Variants in CAGE1 observed in about 807,000 individuals in gnomAD.
CAGE1 encodes the protein cancer antigen 1.
CAGE1 carries 66 observed loss-of-function variants against 94.9 expected under a neutral mutation model. The ratio of observed to expected loss-of-function variants is 0.70; its 90% CI spans 0.57 to 0.85. The LOEUF (loss-of-function observed/expected upper bound fraction) is 0.85, where lower values mean the gene tolerates loss of function less well. Ranked by LOEUF, CAGE1 falls within the 40% of genes least tolerant of loss-of-function variation. CAGE1 has a pLI of 0.00. For missense variants in CAGE1, 865 were observed against 950.4 expected, an observed-to-expected ratio of 0.91 and a Z score of 1.18; for synonymous variants, 319 against 321.0, an observed-to-expected ratio of 0.99 and a Z score of 0.07.
At chr6:7,336,038 CTCTT>C (rs1758942742) in intron 11 of CAGE1, among the ~76,000 whole-genome samples, 1 of 152,170 alleles carries the variant, frequency 6.6e-6, no homozygotes, top group African/African-American at 2.4e-5. Flanking sequence ...GAAAGTTATA[CTCTT>C]TCTTTCAGAG....
At chr6:7,330,181 A>C (rs930343703) in intron 12 of CAGE1, among the ~76,000 whole-genome samples, 1 of 152,166 alleles carries the variant, frequency 6.6e-6, no homozygotes, top group Non-Finnish European at 1.5e-5. Context: ...TGAGGTCAGG[A>C]GTTCAAGACC....
In CAGE1 at chr6:7,362,977, T is replaced by C. The variant is rs572786709; in HGVS notation, c.2193+2491A>G. Among the ~76,000 whole-genome samples the C allele has an allele frequency of 1.0e-3, 157 of 152,252 alleles. 1 individual carries two copies. Among genetic ancestry groups the C allele is most frequent in the African/African-American group, 3.7e-3 (153 of 41,556 alleles). On this transcript the variant is annotated intron_variant, in intron 9 of 13. Coordinates refer to ENST00000502583, the MANE Select transcript of CAGE1 (RefSeq NM_001170692.2). The surrounding 1 kb of genome is among the most constrained non-coding windows in gnomAD (Gnocchi z 4.1). ...ATAAATACTTTTCAAAATGTAATACTAACAGGCTGGGCATGGTGGCTCACA... is the reference window on the plus strand; with the variant it reads ...ATAAATACTTTTCAAAATGTAATACCAACAGGCTGGGCATGGTGGCTCACA...
chr6:7,366,822 G>A (rs1315651006), intron 7 of CAGE1, among the ~76,000 whole-genome samples: 1 of 151,944 alleles, frequency 6.6e-6, no homozygotes. Context: ...ATCAAACCTG[G>A]GGGTGGTCTC....
chr6:7,374,524 T>G (rs1410375568), intron 4 of CAGE1, among the ~76,000 whole-genome samples: 1 of 146,796 alleles, frequency 6.8e-6, no homozygotes, highest in Non-Finnish European at 1.5e-5. Flanking sequence ...CCTTACAGAC[T>G]GCAAGTTCTC....
chr6:7,345,537 C>A (rs765557147), intron 11 of CAGE1, among the ~76,000 whole-genome samples: 2 of 152,168 alleles, frequency 1.3e-5, no homozygotes, highest in African/African-American at 4.8e-5. Context: ...ACAGAGTAAG[C>A]TATCACCAAG....
chr6:7,374,232 T>C, intron 4 of CAGE1, 101 bp from the exon 5 acceptor site: 1 of 927,224 alleles, frequency 1.1e-6, no homozygotes, highest in Non-Finnish European at 1.6e-6. Flanking sequence ...AGATCCCCTG[T>C]TTGGCTTTCT....
intron 5 of CAGE1, among the ~76,000 whole-genome samples, chr6:7,371,116 G>A (rs1482911757): frequency 2.0e-5 from 3 of 152,116 alleles, no homozygotes; most frequent in Non-Finnish European, 4.4e-5. Flanking sequence ...GCTTAGGTCC[G>A]TGGTTCTCAA....
chr6:7,346,249 T>C (rs1052113427), intron 11 of CAGE1, among the ~76,000 whole-genome samples: 17 of 152,292 alleles, frequency 1.1e-4, no homozygotes, highest in Non-Finnish European at 2.4e-4. Context: ...ACAGACTAGA[T>C]TTGATTTTTT....
intron 6 of CAGE1, among the ~76,000 whole-genome samples, chr6:7,369,560 G>T (rs965156207): frequency 6.6e-6 from 1 of 152,074 alleles, no homozygotes; most frequent in Non-Finnish European, 1.5e-5. Context: ...TTTTAGATTG[G>T]GCAAACAGCT....
rs1431304644 is a variant in CAGE1 at position 7,329,045 on chromosome 6, C to T, written c.2478+804G>A. ...CTCTTGGATTCAAGCTATTCTCCTG[C>T]CTCAGCTGCCCAAGTAACTGGGATT... On this transcript the variant is annotated intron_variant, in intron 13 of 13. Transcript: ENST00000502583. The T allele has an allele frequency of 4.0e-5, 9 of 226,182 alleles. No individual in the cohort carries two copies. In the Admixed American group the frequency reaches 4.0e-4, roughly 10 times the overall value. The allele number at this position is 226,182 out of a possible 1,614,324, so 14.0% of individuals were successfully genotyped here. A position where few individuals can be genotyped will look rare whatever the true frequency, so the allele number is the denominator to read the frequency against.
intron 5 of CAGE1, among the ~76,000 whole-genome samples, chr6:7,370,821 G>A (rs998989580): frequency 6.6e-6 from 1 of 152,062 alleles, no homozygotes; most frequent in Non-Finnish European, 1.5e-5. Flanking sequence ...TGAAAAATGA[G>A]AGTAAAAAGG....
chr6:7,380,645 A>T (rs1760900790), intron 3 of CAGE1, among the ~76,000 whole-genome samples: 1 of 152,156 alleles, frequency 6.6e-6, no homozygotes, highest in Non-Finnish European at 1.5e-5. Context: ...TCAAAAAAAA[A>T]AAAAAGTCTT....
chr6:7,370,719 T>C (rs1188857304), intron 5 of CAGE1, among the ~76,000 whole-genome samples: 3 of 152,362 alleles, frequency 2.0e-5, no homozygotes, highest in Admixed American at 2.0e-4. Flanking sequence ...GATAGCTGGA[T>C]TCTCATATTT....
intron 13 of CAGE1, among the ~76,000 whole-genome samples, 194 bp from the exon 14 acceptor site, chr6:7,327,093 C>A (rs894185641): frequency 2.6e-5 from 4 of 152,132 alleles, no homozygotes; most frequent in Non-Finnish European, 5.9e-5. Flanking sequence ...CACTCTGTTA[C>A]CCAGGCTGCA....
At position 7,373,026 on chromosome 6, in the gene CAGE1, G is replaced by T. The variant is rs748690535; in HGVS notation, c.1746+47C>A. The T allele has an allele frequency of 6.6e-6, 9 of 1,367,416 alleles. No homozygotes were observed. The Middle Eastern group carries it at 1.2e-3, about 184-fold the overall frequency. 84.7% of individuals were successfully genotyped at this position (1,367,416 alleles called of 1,614,324 possible). On this transcript the variant is annotated intron_variant, in intron 5 of 13. Coordinates refer to ENST00000502583, the MANE Select transcript of CAGE1 (RefSeq NM_001170692.2). ...CTAAATACGCATCACTAGACCACTA[G>T]AAACTCTTGAAATTCCGCATTAGAG...
chr6:7,333,504 CA>C (rs1290066460), intron 12 of CAGE1, among the ~76,000 whole-genome samples: 1 of 151,628 alleles, frequency 6.6e-6, no homozygotes, highest in African/African-American at 2.4e-5. Flanking sequence ...TTAGGTTCTA[CA>C]AAAAACATTA....
chr6:7,348,079 G>T (rs1410440983), intron 11 of CAGE1, among the ~76,000 whole-genome samples: 2 of 152,064 alleles, frequency 1.3e-5, no homozygotes, highest in Admixed American at 6.6e-5. Context: ...CACAGCTGAT[G>T]CTCTCTGGAA....
At chr6:7,352,155 T>A (rs1759791589) in intron 11 of CAGE1, among the ~76,000 whole-genome samples, 1 of 151,362 alleles carries the variant, frequency 6.6e-6, no homozygotes, top group Non-Finnish European at 1.5e-5. Flanking sequence ...TCCCAAAAGC[T>A]CCTAGAACTG....
intron 11 of CAGE1, among the ~76,000 whole-genome samples, chr6:7,346,984 C>T (rs1243620576): frequency 3.9e-5 from 6 of 152,200 alleles, no homozygotes; most frequent in African/African-American, 1.4e-4. Flanking sequence ...ATCAACCACT[C>T]AACTGAAATA....
Sources: allele counts gnomAD v4.1 joint callset (sites outside exome capture counted in the v4.1 genomes callset), GRCh38; gene constraint gnomAD v4.1.1; non-coding constraint Gnocchi (gnomAD v3.1); transcripts MANE v1.5; gene names NCBI Gene and HGNC (gene_info 2026-07-23, HGNC 2026-07-21).